Variants in ARHGAP44 observed in about 807,000 individuals in gnomAD.
The protein encoded by ARHGAP44 is rho GTPase-activating protein 44.
A neutral mutation model predicts 106.8 loss-of-function variants in ARHGAP44; 43 were observed. The observed-to-expected ratio is 0.40, with a 90% CI of 0.32 to 0.52. ARHGAP44 has a LOEUF of 0.52. ARHGAP44 is among the 20% of genes least tolerant of loss of function. ARHGAP44 has a pLI of 0.48. For missense variants in ARHGAP44, 866 were observed against 1,050.5 expected (o/e 0.82, Z 2.43); for synonymous variants, 439 against 410.3 (o/e 1.07, Z -0.85).
At chr17:12,881,849 G>C (rs1254971491) in intron 1 of ARHGAP44, among the ~76,000 whole-genome samples, 1 of 151,760 alleles carries the variant, frequency 6.6e-6, no homozygotes, top group African/African-American at 2.4e-5. Context: ...ATGCATCTTC[G>C]CACCCAGCTA....
At chr17:12,927,380 A>T (rs1377102332) in intron 6 of ARHGAP44, among the ~76,000 whole-genome samples, 1 of 152,160 alleles carries the variant, frequency 6.6e-6, no homozygotes, top group African/African-American at 2.4e-5. Context: ...CAGATAGCAA[A>T]AGAGAAAAGA....
intron 1 of ARHGAP44, among the ~76,000 whole-genome samples, chr17:12,876,883 C>G (rs939022104): frequency 1.4e-5 from 2 of 147,260 alleles, no homozygotes; most frequent in Non-Finnish European, 3.0e-5. Flanking sequence ...TGCACTCCAG[C>G]CTGGTGACAG....
intron 18 of ARHGAP44, among the ~76,000 whole-genome samples, chr17:12,975,191 A>C (rs1182458299): frequency 6.6e-6 from 1 of 152,192 alleles, no homozygotes; most frequent in African/African-American, 2.4e-5. Flanking sequence ...TTTGGACCAC[A>C]GTTGACCACA....
At chr17:12,829,715 A>T (rs770994829) in intron 1 of ARHGAP44, among the ~76,000 whole-genome samples, 13 of 152,154 alleles carry the variant, frequency 8.5e-5, no homozygotes, top group Non-Finnish European at 1.9e-4. Context: ...TCATACCTGC[A>T]TGCATGATTC....
chr17:12,861,662 A>C (rs1326688720), intron 1 of ARHGAP44, among the ~76,000 whole-genome samples: 2 of 2,118 alleles, frequency 9.4e-4, no homozygotes, highest in African/African-American at 1.1e-3. Context: ...TTTTTTTGAG[A>C]TGGAATCTTG....
chr17:12,844,202 A>G (rs976973945), intron 1 of ARHGAP44, among the ~76,000 whole-genome samples: 1 of 152,162 alleles, frequency 6.6e-6, no homozygotes, highest in African/African-American at 2.4e-5. Flanking sequence ...TTGCTGTGAC[A>G]GAATACCAGA....
chr17:12,964,555 C>T (rs1010511429), intron 16 of ARHGAP44, among the ~76,000 whole-genome samples: 2 of 152,104 alleles, frequency 1.3e-5, no homozygotes, highest in African/African-American at 2.4e-5. Flanking sequence ...CCAAGGTGGG[C>T]GGATCACTTG....
At chr17:12,976,286 G>A (rs546337723) in intron 18 of ARHGAP44, among the ~76,000 whole-genome samples, 1 of 151,998 alleles carries the variant, frequency 6.6e-6, no homozygotes, top group South Asian at 2.1e-4. Context: ...GAGGCTTCCA[G>A]GCTTTTTTGT....
rs11303147 is a variant in ARHGAP44, at chr17:12,933,849, CTT to C, written c.582+4819_582+4820del. On this transcript the variant is annotated intron_variant, in intron 7 of 20. Coordinates refer to ENST00000379672, the MANE Select transcript of ARHGAP44 (RefSeq NM_014859.6). Reference sequence around the variant, plus strand: ...CTCCCCATATTTCATCACATAAATTCTTTTTTTTTTTTTTTTTGAGACGGTGT... The same window carrying C: ...CTCCCCATATTTCATCACATAAATTCTTTTTTTTTTTTTTTGAGACGGTGT... Among the ~76,000 whole-genome samples, 240 of 131,528 alleles carry C rather than the reference CTT, an allele frequency of 1.8e-3. 3 individuals are homozygous for C. The highest frequency in any genetic ancestry group is 4.2e-3 in the Middle Eastern group (1 of 240). 86.3% of individuals were successfully genotyped at this position (131,528 alleles called of 152,430 possible).
intron 20 of ARHGAP44, chr17:12,986,698 AAAAAGAAT>A (rs1209040829): frequency 3.2e-4 from 45 of 142,700 alleles, no homozygotes; most frequent in East Asian, 1.9e-3. Flanking sequence ...AAAAAAAAAA[AAAAAGAAT>A]GAGCAGAAGA....
intron 1 of ARHGAP44, among the ~76,000 whole-genome samples, chr17:12,795,931 TTA>T (rs1173815527): frequency 6.6e-6 from 1 of 152,206 alleles, no homozygotes; most frequent in African/African-American, 2.4e-5. Context: ...ACTTTAGAGC[TTA>T]TTTTTAGAAT....
intron 16 of ARHGAP44, 32 bp from the exon 17 acceptor site, chr17:12,973,270 A>C: frequency 1.3e-6 from 2 of 1,599,186 alleles, no homozygotes; most frequent in South Asian, 2.3e-5. Context: ...AGATTTTTTG[A>C]AACTAATATC....
At chr17:12,868,137 T>C (rs910155864) in intron 1 of ARHGAP44, among the ~76,000 whole-genome samples, 1 of 152,166 alleles carries the variant, frequency 6.6e-6, no homozygotes, top group Non-Finnish European at 1.5e-5. Flanking sequence ...TGGAAGTCCA[T>C]GAAAGAGGTG....
At chr17:12,817,591 A>T (rs571716291) in intron 1 of ARHGAP44, among the ~76,000 whole-genome samples, 13 of 152,054 alleles carry the variant, frequency 8.5e-5, no homozygotes, top group Non-Finnish European at 1.3e-4. Flanking sequence ...ACAAAAGCTG[A>T]TGTTTTGAAA....
chr17:12,827,259 G>A (rs183726772), intron 1 of ARHGAP44, among the ~76,000 whole-genome samples: 13 of 151,906 alleles, frequency 8.6e-5, no homozygotes, highest in Non-Finnish European at 1.3e-4. Flanking sequence ...TTGTACTCTA[G>A]ATCTCATTTT....
At chr17:12,965,937 G>A (rs2039379080) in intron 16 of ARHGAP44, among the ~76,000 whole-genome samples, 1 of 152,108 alleles carries the variant, frequency 6.6e-6, no homozygotes, top group African/African-American at 2.4e-5. Context: ...AGGACTGCTT[G>A]AGGCCAGGAG....
At chr17:12,841,263 G>C (rs75037307) in intron 1 of ARHGAP44, among the ~76,000 whole-genome samples, 2,031 of 152,190 alleles carry the variant, frequency 0.013, 46 homozygotes, top group African/African-American at 0.046. Context: ...CCAGAACTAG[G>C]AAATGGATTA....
chr17:12,815,668 C>G (rs2150786889), intron 1 of ARHGAP44, among the ~76,000 whole-genome samples: 1 of 152,220 alleles, frequency 6.6e-6, no homozygotes, highest in South Asian at 2.1e-4. Flanking sequence ...CAGGAACTGC[C>G]CAGGTCCCAA....
intron 1 of ARHGAP44, among the ~76,000 whole-genome samples, chr17:12,857,430 A>G (rs200812844): frequency 6.6e-6 from 1 of 152,278 alleles, no homozygotes; most frequent in African/African-American, 2.4e-5. Flanking sequence ...CATGCAAGAG[A>G]GCAAGAGTGT....
Sources: gnomAD v4.1 joint callset for allele counts (sites outside exome capture counted in the v4.1 genomes callset) on GRCh38, gnomAD v4.1.1 for gene constraint, MANE v1.5 for transcripts, NCBI Gene and HGNC (gene_info 2026-07-23, HGNC 2026-07-21) for gene names.